DPYD: variants seen among roughly 807,000 people sequenced by gnomAD.
DPYD encodes dihydropyrimidine dehydrogenase [NADP(+)].
In DPYD, 109 loss-of-function variants were observed where a neutral mutation model predicts 116.2. The observed-to-expected ratio is 0.94, with a 90% CI of 0.80 to 1.10. The LOEUF is 1.10. Ranked by LOEUF, DPYD falls within the 50% of genes least tolerant of loss-of-function variation. The pLI, the probability that DPYD is intolerant of heterozygous loss-of-function variation, is 0.00. For synonymous variants in DPYD, 440 were observed against 432.0 expected (o/e 1.02, Z -0.23); for missense variants, 1,302 against 1,254.5 (o/e 1.04, Z -0.57).
At chr1:97,227,653 C>T (rs1025983571) in intron 19 of DPYD, among the ~76,000 whole-genome samples, 2 of 144,262 alleles carry the variant, frequency 1.4e-5, no homozygotes. Flanking sequence ...TTGGTTTTCT[C>T]AGCACTGCTT....
chr1:97,743,428 T>C (rs953544059), intron 3 of DPYD, among the ~76,000 whole-genome samples: 4 of 152,226 alleles, frequency 2.6e-5, no homozygotes, highest in African/African-American at 9.6e-5. Context: ...TAATAAAATA[T>C]CAACCACTGC....
chr1:97,088,627 A>G (rs577991397), intron 21 of DPYD, among the ~76,000 whole-genome samples: 2 of 151,972 alleles, frequency 1.3e-5, no homozygotes, highest in Non-Finnish European at 2.9e-5. Flanking sequence ...TGCTTCCTCC[A>G]TACTCCACCC....
intron 8 of DPYD, among the ~76,000 whole-genome samples, chr1:97,648,902 T>C (rs1270765931): frequency 1.3e-5 from 2 of 152,070 alleles, no homozygotes; most frequent in Non-Finnish European, 2.9e-5. Flanking sequence ...TCAGAGAAGA[T>C]TCCCCTTAGA....
intron 14 of DPYD, among the ~76,000 whole-genome samples, chr1:97,400,024 G>T (rs947081690): frequency 6.6e-6 from 1 of 152,130 alleles, no homozygotes; most frequent in African/African-American, 2.4e-5. Context: ...CCTGTCTTGT[G>T]CCAGTTTTCA....
intron 13 of DPYD, among the ~76,000 whole-genome samples, chr1:97,469,578 G>C (rs978177255): frequency 5.3e-5 from 8 of 152,104 alleles, no homozygotes; most frequent in African/African-American, 2.4e-5. Flanking sequence ...CTATACAGAA[G>C]AGTATGTTGA....
chr1:97,817,516 C>T (rs1014943897), intron 3 of DPYD, among the ~76,000 whole-genome samples: 1 of 151,826 alleles, frequency 6.6e-6, no homozygotes, highest in Non-Finnish European at 1.5e-5. Flanking sequence ...TACAAAAAAA[C>T]ATAGGGCCAG....
chr1:97,518,496 T>G (rs1188534031), intron 12 of DPYD, among the ~76,000 whole-genome samples: 3 of 152,136 alleles, frequency 2.0e-5, no homozygotes, highest in Non-Finnish European at 2.9e-5. Context: ...CAAGCATATC[T>G]ACTTTCAGCT....
chr1:97,257,475 A>C (rs1312894710), intron 18 of DPYD, among the ~76,000 whole-genome samples: 1 of 150,232 alleles, frequency 6.7e-6, no homozygotes, highest in Non-Finnish European at 1.5e-5. Context: ...AGAGAGAGAG[A>C]GCACGTGAGT....
intron 16 of DPYD, among the ~76,000 whole-genome samples, chr1:97,315,844 G>A (rs539417434): frequency 1.1e-4 from 16 of 151,866 alleles, no homozygotes; most frequent in Non-Finnish European, 1.9e-4. Context: ...GGAAAGAAAA[G>A]GTCCAATACC....
chr1:97,100,841 C>T (rs1331235290), intron 20 of DPYD, among the ~76,000 whole-genome samples: 1 of 151,910 alleles, frequency 6.6e-6, no homozygotes, highest in South Asian at 2.1e-4. Flanking sequence ...TATAATACAG[C>T]CTGTGTAAAT....
At chr1:97,156,960 C>A (rs1191473549) in intron 20 of DPYD, among the ~76,000 whole-genome samples, 1 of 151,546 alleles carries the variant, frequency 6.6e-6, no homozygotes, top group East Asian at 1.9e-4. Flanking sequence ...AGTTCATGTC[C>A]TTTGTAGGGA....
chr1:97,861,797 G>C (rs1050766273), intron 2 of DPYD, among the ~76,000 whole-genome samples: 1 of 151,874 alleles, frequency 6.6e-6, no homozygotes, highest in Non-Finnish European at 1.5e-5. Context: ...GAGACAATGC[G>C]GAAAGGGATT....
chr1:97,324,792 C>G (rs778952938), intron 16 of DPYD, among the ~76,000 whole-genome samples: 1 of 151,942 alleles, frequency 6.6e-6, no homozygotes, highest in African/African-American at 2.4e-5. Flanking sequence ...AAATATCACC[C>G]AGATCCAGGA....
At chr1:97,765,123 T>G (rs1665778644) in intron 3 of DPYD, among the ~76,000 whole-genome samples, 1 of 152,202 alleles carries the variant, frequency 6.6e-6, no homozygotes, top group Non-Finnish European at 1.5e-5. Flanking sequence ...AAAATATAAA[T>G]GCCTTGACCT....
intron 3 of DPYD, among the ~76,000 whole-genome samples, chr1:97,798,861 T>TA (rs1461442498): frequency 6.6e-6 from 1 of 152,000 alleles, no homozygotes. Context: ...GTTAAGTATC[T>TA]ATGTACCAGA....
chr1:97,096,219 G>C (rs1650236956), intron 21 of DPYD, among the ~76,000 whole-genome samples: 1 of 151,800 alleles, frequency 6.6e-6, no homozygotes, highest in African/African-American at 2.4e-5. Context: ...ATGATCTACA[G>C]GCTTTCATGC....
chr1:97,514,422 G>A (rs1648048390), intron 13 of DPYD, among the ~76,000 whole-genome samples: 2 of 151,764 alleles, frequency 1.3e-5, no homozygotes, highest in East Asian at 3.9e-4. Context: ...TTTTTTAATA[G>A]CATAACTAAT....
intron 5 of DPYD, among the ~76,000 whole-genome samples, chr1:97,701,064 C>T (rs1191830385): frequency 6.7e-6 from 1 of 149,956 alleles, no homozygotes. Context: ...ACTAAAATTC[C>T]AATTAAAAGA....
chr1:97,721,508 A>C lies in DPYD; in HGVS notation c.483+2T>G. On this transcript the variant is annotated splice_donor_variant, in intron 5 of 22. Transcript: ENST00000370192. LOFTEE classifies it high-confidence loss of function. Reference sequence around the variant, plus strand: ...GGGATGTCACGTGTATATCATACATACCTCAGTAGCAAATTGCTGCAATCC... The same window carrying C: ...GGGATGTCACGTGTATATCATACATCCCTCAGTAGCAAATTGCTGCAATCC... The C allele has an allele frequency of 6.2e-7, 1 of 1,611,056 alleles. No homozygotes were observed. Among genetic ancestry groups the C allele is most frequent in the Non-Finnish European group, 8.5e-7 (1 of 1,177,922 alleles).
Sources: gnomAD v4.1 joint callset for allele counts (sites outside exome capture counted in the v4.1 genomes callset) on GRCh38, gnomAD v4.1.1 for gene constraint, MANE v1.5 for transcripts, NCBI Gene and HGNC (gene_info 2026-07-23, HGNC 2026-07-21) for gene names.